The following THRB variants were observed in gnomAD, a reference collection of about 807,000 sequenced individuals.
THRB encodes the protein thyroid hormone receptor beta.
In THRB, 12 loss-of-function variants were observed where a neutral mutation model predicts 47.8. The observed-to-expected ratio is 0.25, with a 90% CI of 0.16 to 0.41. THRB has a LOEUF of 0.41. Among genes scored for constraint, THRB ranks in the 10% least tolerant of loss-of-function variants. THRB has a pLI of 1.00. For synonymous variants in THRB, 218 were observed against 212.2 expected, an observed-to-expected ratio of 1.03 and a Z score of -0.24; for missense variants, 348 against 589.2, an observed-to-expected ratio of 0.59 and a Z score of 4.24.
At chr3:24,247,766 T>A (rs574400154) in intron 3 of THRB, among the ~76,000 whole-genome samples, 16 of 152,288 alleles carry the variant, frequency 1.1e-4, no homozygotes, top group African/African-American at 3.6e-4. Flanking sequence ...AATCCAAGCT[T>A]CTTTGTGAAG....
chr3:24,208,658 G>A (rs546180925), intron 4 of THRB, among the ~76,000 whole-genome samples: 4 of 152,328 alleles, frequency 2.6e-5, no homozygotes, highest in East Asian at 1.9e-4. Flanking sequence ...GTAGAAAGCT[G>A]AAACTGGATC....
chr3:24,325,872 C>T (rs2058772640), intron 2 of THRB, among the ~76,000 whole-genome samples: 1 of 152,110 alleles, frequency 6.6e-6, no homozygotes, highest in South Asian at 2.1e-4. Flanking sequence ...AGAAATGATA[C>T]CAAATTGCCT....
intron 3 of THRB, among the ~76,000 whole-genome samples, chr3:24,233,704 A>C (rs1346840097): frequency 1.3e-5 from 2 of 152,244 alleles, no homozygotes; most frequent in African/African-American, 4.8e-5. Context: ...TGGACGATGG[A>C]AAACGTATCT....
intron 1 of THRB, among the ~76,000 whole-genome samples, chr3:24,405,869 A>G (rs114866977): frequency 0.031 from 4,686 of 151,756 alleles, 98 homozygotes; most frequent in Middle Eastern, 0.061. Flanking sequence ...CAATTAGTAT[A>G]GAATATTTTC....
At chr3:24,290,524 T>C (rs1018158991) in intron 3 of THRB, among the ~76,000 whole-genome samples, 2 of 152,236 alleles carry the variant, frequency 1.3e-5, no homozygotes, top group Non-Finnish European at 2.9e-5. Flanking sequence ...TCAAAGTTCC[T>C]CCCTAGTTAT....
intron 1 of THRB, among the ~76,000 whole-genome samples, chr3:24,338,222 G>T (rs1440299080): frequency 1.3e-5 from 2 of 152,090 alleles, no homozygotes; most frequent in Non-Finnish European, 2.9e-5. Flanking sequence ...AAAATAACAT[G>T]AAGAATGCCT....
At chr3:24,287,965 G>A (rs896382870) in intron 3 of THRB, among the ~76,000 whole-genome samples, 16 of 152,288 alleles carry the variant, frequency 1.1e-4, no homozygotes, top group African/African-American at 3.8e-4. Flanking sequence ...CACTTGTCTT[G>A]GATTTTCTCC....
chr3:24,363,033 T>C (rs2149668321), intron 1 of THRB, among the ~76,000 whole-genome samples: 1 of 152,276 alleles, frequency 6.6e-6, no homozygotes, highest in South Asian at 2.1e-4. Context: ...TGACTATTTT[T>C]ATTTCCTGTG....
At chr3:24,295,208 T>C (rs1445988973) in intron 3 of THRB, among the ~76,000 whole-genome samples, 1 of 152,140 alleles carries the variant, frequency 6.6e-6, no homozygotes, top group Non-Finnish European at 1.5e-5. Flanking sequence ...AAGATAGAAA[T>C]ATGAAAAAAC....
At chr3:24,254,760 C>G (rs528694988) in intron 3 of THRB, among the ~76,000 whole-genome samples, 1 of 152,288 alleles carries the variant, frequency 6.6e-6, no homozygotes, top group South Asian at 2.1e-4. Context: ...AATGCATATA[C>G]CCAAACAAAG....
At chr3:24,299,773 A>T (rs2361017) in intron 2 of THRB, among the ~76,000 whole-genome samples, 18,141 of 68,634 alleles carry the variant, frequency 0.26, 4,390 homozygotes, top group African/African-American at 0.41. Context: ...ATGCTTTTTT[A>T]TTTATTTATT....
At chr3:24,253,835 A>C (rs1486645284) in intron 3 of THRB, among the ~76,000 whole-genome samples, 2 of 152,120 alleles carry the variant, frequency 1.3e-5, no homozygotes, top group African/African-American at 4.8e-5. Context: ...TTGGGTTTGA[A>C]AACAAACACA....
intron 2 of THRB, among the ~76,000 whole-genome samples, chr3:24,335,314 AG>A (rs2062178183): frequency 6.6e-6 from 1 of 152,104 alleles, no homozygotes; most frequent in Admixed American, 6.6e-5. Context: ...ATTCCTTGAG[AG>A]TTTTTTCCTT....
intron 1 of THRB, among the ~76,000 whole-genome samples, chr3:24,470,767 C>T (rs2074503272): frequency 2.0e-5 from 3 of 152,156 alleles, no homozygotes; most frequent in African/African-American, 7.2e-5. Context: ...CAGGCACTTG[C>T]CACCATGCCC....
intron 8 of THRB, among the ~76,000 whole-genome samples, chr3:24,139,591 T>A (rs550231079): frequency 4.4e-4 from 67 of 152,214 alleles, no homozygotes; most frequent in African/African-American, 1.5e-3. Flanking sequence ...TCGCTATGTT[T>A]ACCAGGCTGG....
At chr3:24,401,758 T>C (rs1452974884) in intron 1 of THRB, among the ~76,000 whole-genome samples, 1 of 152,036 alleles carries the variant, frequency 6.6e-6, no homozygotes, top group East Asian at 1.9e-4. Flanking sequence ...GCAGTTTCCC[T>C]AACACTTGGG....
chr3:24,330,975 A>G (rs1338926466), intron 2 of THRB, among the ~76,000 whole-genome samples: 1 of 152,000 alleles, frequency 6.6e-6, no homozygotes, highest in Non-Finnish European at 1.5e-5. Context: ...TTACACACAC[A>G]AGGGATGTGT....
At position 24,250,287 on chromosome 3, in the gene THRB, G is replaced by A. The variant is rs1171783827; in HGVS notation, c.-42-21286C>T. Among the ~76,000 whole-genome samples the A allele has an allele frequency of 3.3e-5, 5 of 152,070 alleles. No individual in the cohort carries two copies. In the East Asian group the frequency reaches 5.8e-4, roughly 18 times the overall value. ...CAACTTTGAGATCTTCTCATAGCTC[G>A]CAGGTAGTATTGACTGCCTGTTGGT... On this transcript the variant is annotated intron_variant, in intron 3 of 10. Coordinates refer to ENST00000646209, the MANE Select transcript of THRB (RefSeq NM_001354712.2).
chr3:24,308,870 C>G (rs1559890931), intron 2 of THRB, among the ~76,000 whole-genome samples: 1 of 152,114 alleles, frequency 6.6e-6, no homozygotes, highest in Non-Finnish European at 1.5e-5. Flanking sequence ...GTTTTTGTGC[C>G]TCTATCAACC....
Sources: gnomAD v4.1 joint callset for allele counts (sites outside exome capture counted in the v4.1 genomes callset) on GRCh38, gnomAD v4.1.1 for gene constraint, MANE v1.5 for transcripts, NCBI Gene and HGNC (gene_info 2026-07-23, HGNC 2026-07-21) for gene names.